PPP4R1: variants seen among roughly 807,000 people sequenced by gnomAD.
The protein encoded by PPP4R1 is serine/threonine-protein phosphatase 4 regulatory subunit 1.
Under a neutral mutation model 111.2 loss-of-function variants are expected in PPP4R1, and 42 were observed. The observed-to-expected ratio is 0.38, with a 90% CI of 0.29 to 0.49. The LOEUF (loss-of-function observed/expected upper bound fraction) is 0.49, where lower values mean the gene tolerates loss of function less well. PPP4R1 is among the 20% of genes least tolerant of loss of function. The pLI, the probability that PPP4R1 is intolerant of heterozygous loss-of-function variation, is 0.97. For synonymous variants in PPP4R1, 409 were observed against 405.5 expected (o/e 1.01, Z -0.10); for missense variants, 1,012 against 1,161.6 (o/e 0.87, Z 1.87).
At chr18:9,564,896 T>A (rs559179125) in intron 11 of PPP4R1, among the ~76,000 whole-genome samples, 2 of 152,024 alleles carry the variant, frequency 1.3e-5, no homozygotes, top group East Asian at 3.9e-4. Flanking sequence ...AGAAAGCTAT[T>A]CACAAGGCAT....
chr18:9,591,713 C>G (rs1412132163), intron 4 of PPP4R1, among the ~76,000 whole-genome samples: 2 of 152,148 alleles, frequency 1.3e-5, no homozygotes, highest in African/African-American at 2.4e-5. Flanking sequence ...TCACTCTATC[C>G]AGAGGTTAGC....
intron 6 of PPP4R1, among the ~76,000 whole-genome samples, chr18:9,586,463 A>G (rs2067118160): frequency 6.6e-6 from 1 of 152,188 alleles, no homozygotes; most frequent in Non-Finnish European, 1.5e-5. Flanking sequence ...AGTGGTGGTT[A>G]TACAACTTTG....
chr18:9,570,281 C>A lies in PPP4R1; in HGVS notation c.1449G>T (p.Glu483Asp). The change falls in exon 11 of 20, where the codon GAG becomes GAT. Residue 483 changes from glutamate (E) to aspartate (D), a missense_variant. Glu to Asp is a conservative substitution (Grantham distance 45). This residue lies in a region of PPP4R1 where 707 missense variants were observed against 742.1 expected (regional missense o/e 0.95). Coordinates refer to ENST00000400556, the MANE Select transcript of PPP4R1 (RefSeq NM_001042388.3). ...EQNSGGKPSPEGPEEESEGPV... is the reference protein window; with the variant it reads ...EQNSGGKPSPDGPEEESEGPV... ...GGCCCTCAGATTCTTCCTCTGGTCC[C>A]TCTGGGCTGGGTTTTCCCCCAGAGT... The A allele has an allele frequency of 6.2e-7, 1 of 1,612,262 alleles. No individual in the cohort carries two copies. Among genetic ancestry groups the A allele is most frequent in the Non-Finnish European group, 8.5e-7 (1 of 1,179,294 alleles).
At chr18:9,602,010 AAAC>A (rs762860456) in intron 2 of PPP4R1, among the ~76,000 whole-genome samples, 2 of 152,176 alleles carry the variant, frequency 1.3e-5, no homozygotes, top group Non-Finnish European at 2.9e-5. Context: ...CAAGGGAAAG[AAAC>A]AACAAAACAA....
rs767985345 is a variant in PPP4R1, at chr18:9,584,760, A to G, written c.654T>C (p.Cys218=). Residue 218 remains cysteine, a synonymous_variant, in exon 7 of 20, where the codon TGT becomes TGC. Coordinates refer to ENST00000400556, the MANE Select transcript of PPP4R1 (RefSeq NM_001042388.3). ...ACATTCTGCAATCGCAGCACATCTC[A>G]CAAAACCTAGGGAGGATAAGACGCT... is the stretch of plus-strand genomic sequence containing the variant. ...ITERLILPRF[C]EMCCDCRMFH... is the part of the protein sequence containing the mutation. The G allele has an allele frequency of 1.9e-6, 3 of 1,613,764 alleles. No individual in the cohort carries two copies. The highest frequency in any genetic ancestry group is 2.5e-6 in the Non-Finnish European group (3 of 1,179,834).
chr18:9,567,529 A>G (rs190775793), intron 11 of PPP4R1, among the ~76,000 whole-genome samples: 1 of 152,274 alleles, frequency 6.6e-6, no homozygotes, highest in East Asian at 1.9e-4. Flanking sequence ...CTCCTGACCA[A>G]ACTTGAACAA....
At chr18:9,569,171 C>T (rs2066818276) in intron 11 of PPP4R1, among the ~76,000 whole-genome samples, 1 of 124,948 alleles carries the variant, frequency 8.0e-6, no homozygotes, top group South Asian at 2.5e-4. Context: ...GCCTGGGCAA[C>T]AAAGCGAGAC....
chr18:9,556,530 A>G (rs1231608738), intron 15 of PPP4R1, among the ~76,000 whole-genome samples: 2 of 152,166 alleles, frequency 1.3e-5, no homozygotes, highest in Non-Finnish European at 2.9e-5. Context: ...AATTACTTCT[A>G]TCACTCAAGC....
intron 11 of PPP4R1, among the ~76,000 whole-genome samples, chr18:9,564,733 T>TGGGG (rs1263080478): frequency 2.8e-5 from 3 of 107,968 alleles, no homozygotes; most frequent in African/African-American, 9.0e-5. Flanking sequence ...TGTGTGTGTG[T>TGGGG]GTGTGGGGGT....
Position 9,593,785 on chromosome 18 carries a change from C to G in PPP4R1, c.278G>C (p.Arg93Thr). 6.2e-7 allele frequency: 1 copy of G among 1,613,564 alleles called. No individual in the cohort carries two copies. The highest frequency in any genetic ancestry group is 8.5e-7 in the Non-Finnish European group (1 of 1,179,634). Residue 93 changes from arginine to threonine, a missense_variant, in exon 4 of 20, where the codon AGA (arginine) becomes ACA (threonine). This residue lies in a region of PPP4R1 where 707 missense variants were observed against 742.1 expected (regional missense o/e 0.95). Coordinates refer to ENST00000400556, the MANE Select transcript of PPP4R1 (RefSeq NM_001042388.3). ...ACATATACCTGAATCATCGGCCAAT[C>G]TGCTAATTCTTTCCAAAACAGCAAT... is the stretch of plus-strand genomic sequence containing the variant. ...DCIAVLERIS[R>T]LADDSEPTVR...
In PPP4R1 at chr18:9,614,166, C is replaced by T; in HGVS notation, c.52+60G>A. 7.8e-7 allele frequency: 1 copy of T among 1,282,782 alleles called. No individual in the cohort carries two copies. The allele number at this position is 1,282,782 out of a possible 1,614,324, so 79.5% of individuals were successfully genotyped here. A position where few individuals can be genotyped will look rare whatever the true frequency, so the allele number is the denominator to read the frequency against. On this transcript the variant is annotated intron_variant, in intron 2 of 19. Coordinates refer to ENST00000400556, the MANE Select transcript of PPP4R1 (RefSeq NM_001042388.3). This position sits in a 1 kb window ranked among gnomAD's most constrained non-coding sequence, Gnocchi z 4.1. The stretch of plus-strand genomic sequence containing the variant: ...GGGCCCGGCCCAGGCCTCGCCGCCG[C>T]CCGCCCTCCCCGGCCGCTCCCCGCG...
rs1474680617 is a variant in PPP4R1, at chr18:9,614,544, G to C, written c.-60C>G. 4.0e-6 allele frequency: 4 copies of C among 992,034 alleles called. No individual in the cohort carries two copies. The highest frequency in any genetic ancestry group is 1.0e-4 in the East Asian group (1 of 9,942). 61.5% of individuals were successfully genotyped at this position (992,034 alleles called of 1,614,324 possible). The stretch of plus-strand genomic sequence containing the variant: ...GAGCCGGGGCTACATGGAGCGGCGC[G>C]AGCCGGGGAGCCGGTGGACGCGCGC... On this transcript the variant is annotated 5_prime_UTR_variant, in exon 1 of 20. Transcript: ENST00000400556. This position sits in a 1 kb window ranked among gnomAD's most constrained non-coding sequence, Gnocchi z 4.1.
intron 2 of PPP4R1, among the ~76,000 whole-genome samples, chr18:9,596,247 A>G (rs1357974629): frequency 6.6e-6 from 1 of 152,238 alleles, no homozygotes; most frequent in East Asian, 1.9e-4. Flanking sequence ...CAATAAGAAA[A>G]TATTACTGAT....
At position 9,549,337 on chromosome 18, in the gene PPP4R1, G is replaced by C. The variant is rs371122102; in HGVS notation, c.2549C>G (p.Thr850Ser). The change falls in exon 19 of 20, where the codon ACT (threonine) becomes AGT (serine). Residue 850 changes from threonine to serine, a missense_variant and splice_region_variant. Physicochemically the swap from Thr to Ser is moderately conservative, Grantham distance 58 (BLOSUM62 1). Transcript: ENST00000400556. Reference protein sequence around the residue: ...GRQAFVFVCQTVIEDDCLPMD... With the variant: ...GRQAFVFVCQSVIEDDCLPMD... ...GGGAAGGCAGTCATCCTCAATGACA[G>C]TCTGGGGAAGAGAAACAGCTGCTCT... 1 of 1,597,842 alleles carries C rather than the reference G, an allele frequency of 6.3e-7. No homozygotes were observed. Among genetic ancestry groups the C allele is most frequent in the Non-Finnish European group, 8.6e-7 (1 of 1,166,082 alleles).
At chr18:9,556,007 C>CAA (rs71358237) in intron 15 of PPP4R1, among the ~76,000 whole-genome samples, 99,444 of 146,970 alleles carry the variant, frequency 0.68, 33,979 homozygotes, top group East Asian at 0.88. Flanking sequence ...CAAAAAAACA[C>CAA]AAAATCGGCC....
rs1354247152 is a variant in PPP4R1 at position 9,565,207 on chromosome 18, TTG to T, written c.1574-1659_1574-1658del. 2.6e-5 allele frequency among the ~76,000 whole-genome samples: 4 copies of T among 152,298 alleles called. No homozygotes were observed. In the East Asian group the frequency reaches 7.7e-4, roughly 29 times the overall value. On this transcript the variant is annotated intron_variant, in intron 11 of 19. Transcript: ENST00000400556. The stretch of plus-strand genomic sequence containing the variant: ...TGATCAGTGATCTTTGATATTACTA[TTG>T]TAATTGTTTTGGGAGCTGCTAACTA...
intron 2 of PPP4R1, among the ~76,000 whole-genome samples, chr18:9,611,091 T>C (rs2067571895): frequency 6.6e-6 from 1 of 152,144 alleles, no homozygotes; most frequent in South Asian, 2.1e-4. Context: ...TCCAGCTAGG[T>C]CCTTTCCTAG....
chr18:9,550,485 T>C, intron 16 of PPP4R1, 87 bp from the exon 17 acceptor site: 2 of 1,408,808 alleles, frequency 1.4e-6, no homozygotes, highest in South Asian at 1.3e-5. Context: ...TCTGTAATAC[T>C]GGATTACTGA....
chr18:9,610,616 C>T (rs1025798284), intron 2 of PPP4R1, among the ~76,000 whole-genome samples: 4 of 148,804 alleles, frequency 2.7e-5, no homozygotes, highest in Non-Finnish European at 4.5e-5. Flanking sequence ...GTGCACGCCA[C>T]CACGCCCAGT....
Sources: gnomAD v4.1 joint callset for allele counts (sites outside exome capture counted in the v4.1 genomes callset) on GRCh38, gnomAD v4.1.1 for gene constraint, gnomAD v4.1.1 regional missense constraint, Gnocchi (gnomAD v3.1) non-coding constraint, MANE v1.5 for transcripts, NCBI Gene and HGNC (gene_info 2026-07-23, HGNC 2026-07-21) for gene names.